Variants in CHCHD6 observed in about 807,000 individuals in gnomAD.
The protein encoded by CHCHD6 is coiled-coil-helix-coiled-coil-helix domain containing 6.
A neutral mutation model predicts 32.3 loss-of-function variants in CHCHD6; 28 were observed. That is an observed-to-expected ratio of 0.87 (90% CI 0.64 to 1.19). The LOEUF is 1.19. Ranked by LOEUF, CHCHD6 falls within the 50% of genes most tolerant of loss-of-function variation. The probability of loss-of-function intolerance (pLI) is 0.00; values close to 1 mark genes in which losing one functional copy is unlikely to be tolerated. For synonymous variants in CHCHD6, 122 were observed against 117.5 expected (o/e 1.04, Z -0.25); for missense variants, 333 against 307.0 (o/e 1.08, Z -0.63).
chr3:126,719,318 C>T (rs535525818), intron 1 of CHCHD6, among the ~76,000 whole-genome samples: 2 of 152,330 alleles, frequency 1.3e-5, no homozygotes, highest in African/African-American at 4.8e-5. Context: ...AGCATCTCAT[C>T]GCTGGGCGGG....
chr3:126,796,648 G>A (rs1223852266), intron 4 of CHCHD6, among the ~76,000 whole-genome samples: 1 of 152,156 alleles, frequency 6.6e-6, no homozygotes, highest in Non-Finnish European at 1.5e-5. Flanking sequence ...GCCTCTGTCA[G>A]CATTGTGCTC....
intron 4 of CHCHD6, among the ~76,000 whole-genome samples, chr3:126,741,303 C>T (rs1411531697): frequency 6.6e-6 from 1 of 151,752 alleles, no homozygotes; most frequent in African/African-American, 2.4e-5. Flanking sequence ...GTCTCCATGA[C>T]AGAATTGATG....
intron 4 of CHCHD6, among the ~76,000 whole-genome samples, chr3:126,796,255 T>G (rs1429389311): frequency 6.6e-6 from 1 of 152,054 alleles, no homozygotes; most frequent in Non-Finnish European, 1.5e-5. Context: ...GAGGCTGAGG[T>G]GGGAAGATGG....
At chr3:126,895,848 G>C (rs1021060536) in intron 5 of CHCHD6, among the ~76,000 whole-genome samples, 1 of 152,234 alleles carries the variant, frequency 6.6e-6, no homozygotes, top group Non-Finnish European at 1.5e-5. Context: ...TAGGGCAGCA[G>C]CTGCCTGATT....
At chr3:126,861,200 C>T (rs762933323) in intron 5 of CHCHD6, among the ~76,000 whole-genome samples, 6 of 152,054 alleles carry the variant, frequency 3.9e-5, no homozygotes, top group Non-Finnish European at 5.9e-5. Flanking sequence ...GAATAAATAG[C>T]AAGGACTCTG....
intron 6 of CHCHD6, among the ~76,000 whole-genome samples, chr3:126,918,106 C>G: frequency 6.6e-6 from 1 of 152,200 alleles, no homozygotes; most frequent in East Asian, 1.9e-4. Flanking sequence ...AACACTTTTC[C>G]TTTTCCCAAA....
intron 5 of CHCHD6, among the ~76,000 whole-genome samples, chr3:126,877,352 G>C (rs1257114278): frequency 6.6e-6 from 1 of 152,102 alleles, no homozygotes; most frequent in South Asian, 2.1e-4. Flanking sequence ...TCAGGAGATC[G>C]AGACTGTCCT....
intron 6 of CHCHD6, among the ~76,000 whole-genome samples, chr3:126,943,910 TAAA>T (rs2078597918): frequency 6.6e-6 from 1 of 152,130 alleles, no homozygotes; most frequent in Non-Finnish European, 1.5e-5. Context: ...TATCGCAGCT[TAAA>T]AAACTATGAA....
intron 4 of CHCHD6, among the ~76,000 whole-genome samples, chr3:126,749,969 C>T (rs1427259564): frequency 6.6e-6 from 1 of 152,170 alleles, no homozygotes; most frequent in Non-Finnish European, 1.5e-5. Context: ...TGAAAACACC[C>T]ACATCCACCT....
chr3:126,720,186 G>A (rs1040378576), intron 1 of CHCHD6, among the ~76,000 whole-genome samples: 5 of 152,164 alleles, frequency 3.3e-5, no homozygotes, highest in African/African-American at 1.2e-4. Flanking sequence ...CCAGCCAAGA[G>A]TCTTTTGCAT....
At chr3:126,814,900 A>G (rs529439091) in intron 4 of CHCHD6, among the ~76,000 whole-genome samples, 1 of 152,146 alleles carries the variant, frequency 6.6e-6, no homozygotes, top group Non-Finnish European at 1.5e-5. Flanking sequence ...AGTTTTGGGG[A>G]TAGCCCCCAA....
intron 5 of CHCHD6, among the ~76,000 whole-genome samples, chr3:126,883,571 G>C (rs770529956): frequency 3.4e-4 from 52 of 152,218 alleles, no homozygotes; most frequent in Non-Finnish European, 6.2e-4. Context: ...TCCAGACACA[G>C]TGTTTTGAAG....
rs542379896 is a variant in CHCHD6, at chr3:126,794,842, T to C, written c.412-57805T>C. Among the ~76,000 whole-genome samples, 164 of 152,344 alleles carry C rather than the reference T, an allele frequency of 1.1e-3. 1 individual carries two copies. The highest frequency in any genetic ancestry group is 3.8e-3 in the African/African-American group (158 of 41,578). ...TCTTGAAATGGGGGACAGTGTATAC[T>C]AATCTTTGTAGATGCAGTCCCTAGG... On this transcript the variant is annotated intron_variant, in intron 4 of 7. Transcript: ENST00000290913.
At chr3:126,892,629 G>A (rs2077779171) in intron 5 of CHCHD6, among the ~76,000 whole-genome samples, 1 of 152,200 alleles carries the variant, frequency 6.6e-6, no homozygotes, top group South Asian at 2.1e-4. Context: ...GATGGCATTT[G>A]TACTGCTTTC....
intron 4 of CHCHD6, among the ~76,000 whole-genome samples, chr3:126,813,678 A>G (rs765779767): frequency 1.4e-4 from 21 of 152,202 alleles, no homozygotes; most frequent in Non-Finnish European, 2.8e-4. Flanking sequence ...CTCATGACCT[A>G]TCTAGGGCCC....
At chr3:126,896,580 CA>C (rs2077843000) in intron 5 of CHCHD6, among the ~76,000 whole-genome samples, 1 of 152,202 alleles carries the variant, frequency 6.6e-6, no homozygotes, top group Non-Finnish European at 1.5e-5. Flanking sequence ...CCTCCATTGC[CA>C]ACTGGCCACT....
At chr3:126,922,499 T>A (rs2078265406) in intron 6 of CHCHD6, among the ~76,000 whole-genome samples, 1 of 152,224 alleles carries the variant, frequency 6.6e-6, no homozygotes, top group African/African-American at 2.4e-5. Context: ...TGCTCTTTTC[T>A]GCTGTACTGA....
rs570154229 is a variant in CHCHD6 at position 126,819,793 on chromosome 3, A to G, written c.412-32854A>G. ...ACAAGCCCTGGAGTCACTGTGGCGT[A>G]GAGAACATGGAAAGGCAGCATGCCT... On this transcript the variant is annotated intron_variant, in intron 4 of 7. Coordinates refer to ENST00000290913, the MANE Select transcript of CHCHD6 (RefSeq NM_032343.3). Among the ~76,000 whole-genome samples the G allele has an allele frequency of 2.9e-4, 44 of 152,396 alleles. No individual in the cohort carries two copies. The South Asian group carries it at 8.9e-3, about 31-fold the overall frequency.
At chr3:126,801,222 G>A (rs1422089330) in intron 4 of CHCHD6, among the ~76,000 whole-genome samples, 1 of 152,218 alleles carries the variant, frequency 6.6e-6, no homozygotes, top group African/African-American at 2.4e-5. Context: ...AGGACAGGCG[G>A]TGCAGCGCAC....
Sources: gnomAD v4.1 joint callset for allele counts (sites outside exome capture counted in the v4.1 genomes callset) on GRCh38, gnomAD v4.1.1 for gene constraint, MANE v1.5 for transcripts, NCBI Gene and HGNC (gene_info 2026-07-23, HGNC 2026-07-21) for gene names.